DNAH7: variants seen among roughly 807,000 people sequenced by gnomAD.
The protein encoded by DNAH7 is dynein axonemal heavy chain 7.
A neutral mutation model predicts 444.6 loss-of-function variants in DNAH7; 397 were observed. The observed-to-expected ratio is 0.89, with a 90% CI of 0.82 to 0.97. The LOEUF (loss-of-function observed/expected upper bound fraction) is 0.97. Ranked by LOEUF, DNAH7 falls within the 50% of genes least tolerant of loss-of-function variation. DNAH7 has a pLI of 0.00. For synonymous variants in DNAH7, 1,636 were observed against 1,624.4 expected, an observed-to-expected ratio of 1.01 and a Z score of -0.17; for missense variants, 4,902 against 4,800.8, an observed-to-expected ratio of 1.02 and a Z score of -0.62.
intron 15 of DNAH7, among the ~76,000 whole-genome samples, chr2:195,979,420 G>A (rs1388038142): frequency 6.6e-6 from 1 of 152,028 alleles, no homozygotes; most frequent in Non-Finnish European, 1.5e-5. Flanking sequence ...AAATTTCTTG[G>A]AGGAAGTGAT....
chr2:196,051,351 T>C (rs1575106956), intron 2 of DNAH7, 102 bp from the exon 3 acceptor site: 2 of 848,920 alleles, frequency 2.4e-6, no homozygotes, highest in East Asian at 4.9e-5. Context: ...AAAGTACATA[T>C]TATCCAACAT....
At chr2:195,750,537 T>G (rs774114055) in intron 63 of DNAH7, among the ~76,000 whole-genome samples, 1 of 152,216 alleles carries the variant, frequency 6.6e-6, no homozygotes, top group Non-Finnish European at 1.5e-5. Context: ...AAGAAAACTT[T>G]CGTTGAGAAA....
chr2:195,878,321 T>A (rs1005098442), intron 36 of DNAH7, among the ~76,000 whole-genome samples: 1 of 151,998 alleles, frequency 6.6e-6, no homozygotes, highest in Non-Finnish European at 1.5e-5. Context: ...AGGAGTGAAA[T>A]AAAGGGTGGG....
In DNAH7 at chr2:195,960,290, G is replaced by T. The variant is rs1287895495; in HGVS notation, c.2861C>A (p.Pro954His). 5 of 1,612,238 alleles carry T rather than the reference G, an allele frequency of 3.1e-6. No individual in the cohort carries two copies. The highest frequency in any genetic ancestry group is 4.2e-6 in the Non-Finnish European group (5 of 1,179,294). ...TTGTTTTTCATAAGGCTTAATGAAA[G>T]GAGATCCTCGCATAGTTTGTGTTTT... ...IIKTQTMRGSPFIKPYEKQMR... is the reference protein window; with the variant it reads ...IIKTQTMRGSHFIKPYEKQMR... The change falls in exon 18 of 65, where the codon CCT (proline) becomes CAT (histidine). Residue 954 changes from proline to histidine, a missense_variant. Pro to His is a moderately conservative substitution (Grantham distance 77, BLOSUM62 -2). Coordinates refer to ENST00000312428, the MANE Select transcript of DNAH7 (RefSeq NM_018897.3).
chr2:195,831,956 T>C (rs1029157081), intron 48 of DNAH7, among the ~76,000 whole-genome samples: 1 of 152,210 alleles, frequency 6.6e-6, no homozygotes. Flanking sequence ...TAAAATGAAG[T>C]GGCTGGAATC....
At chr2:195,971,445 A>C (rs1233915498) in intron 16 of DNAH7, among the ~76,000 whole-genome samples, 1 of 152,222 alleles carries the variant, frequency 6.6e-6, no homozygotes, top group Non-Finnish European at 1.5e-5. Context: ...GCAGACTTAC[A>C]AACACTAACA....
chr2:195,828,310 C>T (rs1697881784), intron 48 of DNAH7, among the ~76,000 whole-genome samples: 2 of 152,044 alleles, frequency 1.3e-5, no homozygotes, highest in Non-Finnish European at 2.9e-5. Context: ...CCAGGCCGGG[C>T]ACAGTGGCTC....
intron 25 of DNAH7, among the ~76,000 whole-genome samples, 169 bp downstream of exon 25, chr2:195,909,858 G>C (rs928128211): frequency 1.1e-4 from 16 of 152,128 alleles, no homozygotes; most frequent in East Asian, 1.9e-4. Flanking sequence ...TCTGCAAATA[G>C]GGTTTTGCTA....
chr2:195,747,821 C>CGA (rs1273062764), intron 63 of DNAH7, among the ~76,000 whole-genome samples: 3 of 151,988 alleles, frequency 2.0e-5, no homozygotes. Flanking sequence ...AATTAGGTAT[C>CGA]GATGGGACAT....
rs763088079 is a variant in DNAH7, at chr2:195,864,960, T to C, written c.6695A>G (p.Tyr2232Cys). 9.3e-6 allele frequency: 15 copies of C among 1,608,092 alleles called. No individual in the cohort carries two copies. The South Asian group carries it at 1.6e-4, about 18-fold the overall frequency. Residue 2232 changes from tyrosine to cysteine, a missense_variant, in exon 41 of 65, where the codon TAC becomes TGC. Transcript: ENST00000312428. ...GTAGTTTCTCAAAATTTCTTGAATG[T>C]AGTTGATGAGCCAGCTTCTGTCTGT... The part of the protein sequence containing the change: ...DNTDRSWLIN[Y>C]IQEILRNYMY...
At chr2:195,846,838 A>G (rs975925234) in intron 46 of DNAH7, among the ~76,000 whole-genome samples, 1 of 152,040 alleles carries the variant, frequency 6.6e-6, no homozygotes, top group Non-Finnish European at 1.5e-5. Flanking sequence ...GAAGACTCCA[A>G]GTTCTTCAGC....
At position 195,875,830 on chromosome 2, in the gene DNAH7, T is replaced by C. The variant is rs900059581; in HGVS notation, c.6131A>G (p.Asp2044Gly). 3.1e-6 allele frequency: 5 copies of C among 1,603,228 alleles called. No homozygotes were observed. The African/African-American group carries it at 4.0e-5, about 13-fold the overall frequency. Residue 2044 changes from aspartate to glycine, a missense_variant, in exon 38 of 65, where the codon GAT (aspartate) becomes GGT (glycine). By Grantham distance (94) the Asp-to-Gly change is moderately conservative. Coordinates refer to ENST00000312428, the MANE Select transcript of DNAH7 (RefSeq NM_018897.3). ...PLGKRMVVFV[D>G]DVNMPAREVY... is the part of the protein sequence containing the mutation. Reference sequence around the variant, plus strand: ...CTCCCGAGCAGGCATATTGACATCATCTACAAAGACAACCTGAGAATGAGA... The same window carrying C: ...CTCCCGAGCAGGCATATTGACATCACCTACAAAGACAACCTGAGAATGAGA...
intron 1 of DNAH7, chr2:196,063,387 A>C (rs1488496483): frequency 2.6e-5 from 4 of 152,204 alleles, no homozygotes; most frequent in Non-Finnish European, 5.9e-5. Flanking sequence ...GGTTGCAGGA[A>C]TTTCTTAATT....
chr2:195,738,175 A>T (rs761060517), intron 64 of DNAH7, 48 bp from the exon 65 acceptor site: 20 of 1,530,136 alleles, frequency 1.3e-5, no homozygotes. Context: ...TGTTTGTTAA[A>T]TGTACATGTG....
intron 61 of DNAH7, among the ~76,000 whole-genome samples, chr2:195,758,719 ATC>A (rs1374604362): frequency 6.6e-6 from 1 of 152,176 alleles, no homozygotes; most frequent in African/African-American, 2.4e-5. Flanking sequence ...GGCACTGAGA[ATC>A]TGTCGCTTGT....
intron 58 of DNAH7, among the ~76,000 whole-genome samples, chr2:195,779,767 G>A (rs1308584623): frequency 2.0e-5 from 3 of 151,800 alleles, no homozygotes; most frequent in African/African-American, 2.4e-5. Flanking sequence ...CACCATGCCC[G>A]GCTAATTTTT....
chr2:196,008,882 GAA>G (rs2125711274), intron 10 of DNAH7, among the ~76,000 whole-genome samples: 1 of 152,280 alleles, frequency 6.6e-6, no homozygotes, highest in African/African-American at 2.4e-5. Flanking sequence ...AATTTATAAA[GAA>G]AAGAGGTTTA....
At chr2:195,934,832 C>T in intron 20 of DNAH7, 43 bp from the exon 21 acceptor site, 1 of 1,593,440 alleles carries the variant, frequency 6.3e-7, no homozygotes, top group African/African-American at 1.3e-5. Context: ...CAAGTTAAAA[C>T]AATTCTTTAC....
At position 196,026,383 on chromosome 2, in the gene DNAH7, C is replaced by G. The variant is rs370461547; in HGVS notation, c.667+377G>C. Among the ~76,000 whole-genome samples, 10 of 152,158 alleles carry G rather than the reference C, an allele frequency of 6.6e-5. No individual in the cohort carries two copies. In the East Asian group the frequency reaches 1.4e-3, roughly 21 times the overall value. On this transcript the variant is annotated intron_variant, in intron 7 of 64. Coordinates refer to ENST00000312428, the MANE Select transcript of DNAH7 (RefSeq NM_018897.3). ...TAGGTAATTATTTAAATATGTATGT[C>G]TTGTCTCATGTCTACACCAAAAGAT... is the stretch of plus-strand genomic sequence containing the variant.
Sources: allele counts gnomAD v4.1 joint callset (sites outside exome capture counted in the v4.1 genomes callset), GRCh38; gene constraint gnomAD v4.1.1; transcripts MANE v1.5; gene names NCBI Gene and HGNC (gene_info 2026-07-23, HGNC 2026-07-21).